The following ATXN2 variants were observed in gnomAD, a reference collection of about 807,000 sequenced individuals.
The protein encoded by ATXN2 is ataxin 2, also known as ataxin-2.
Under a neutral mutation model 138.6 loss-of-function variants are expected in ATXN2, and 37 were observed. That is an observed-to-expected ratio of 0.27 (90% CI 0.21 to 0.35). ATXN2 has a LOEUF of 0.35. ATXN2 is among the 10% of genes least tolerant of loss of function. The probability of loss-of-function intolerance (pLI) is 1.00; values close to 1 mark genes in which losing one functional copy is unlikely to be tolerated. For synonymous variants in ATXN2, 549 were observed against 543.7 expected, an observed-to-expected ratio of 1.01 and a Z score of -0.13; for missense variants, 1,216 against 1,480.3, an observed-to-expected ratio of 0.82 and a Z score of 2.93.
Position 111,553,535 on chromosome 12 carries a change from C to G in ATXN2, c.349-558G>C, listed in dbSNP as rs534922975. Among the ~76,000 whole-genome samples, 11 of 108,844 alleles carry G rather than the reference C, an allele frequency of 1.0e-4. 2 individuals carry two copies. The highest frequency in any genetic ancestry group is 3.9e-4 in the African/African-American group (11 of 28,524). 71.4% of individuals were successfully genotyped at this position (108,844 alleles called of 152,430 possible). A position where few individuals can be genotyped will look rare whatever the true frequency, so the allele number is the denominator to read the frequency against. ...AATAATGACAAGAAAAACGTCCGTA[C>G]ATCTTTGGTTCAGACGCAACCATGC... On this transcript the variant is annotated intron_variant, in intron 3 of 24. Coordinates refer to ENST00000673436, the MANE Select transcript of ATXN2 (RefSeq NM_001372574.1).
At chr12:111,457,134 G>A in intron 22 of ATXN2, 80 bp downstream of exon 22, 2 of 1,499,754 alleles carry the variant, frequency 1.3e-6, no homozygotes, top group Non-Finnish European at 1.8e-6. Context: ...TTCTGACGAT[G>A]CGATACCTGG....
chr12:111,489,111 A>T (rs1207613217), intron 14 of ATXN2, among the ~76,000 whole-genome samples: 1 of 152,210 alleles, frequency 6.6e-6, no homozygotes, highest in African/African-American at 2.4e-5. Context: ...ATAAGATCAG[A>T]CACTTCACAA....
intron 18 of ATXN2, among the ~76,000 whole-genome samples, chr12:111,475,661 A>G (rs987489589): frequency 6.6e-6 from 1 of 151,642 alleles, no homozygotes; most frequent in Non-Finnish European, 1.5e-5. Flanking sequence ...CAGCCAAGAT[A>G]TATTTTAAAG....
At chr12:111,558,592 G>A (rs771789577) in intron 1 of ATXN2, among the ~76,000 whole-genome samples, 5 of 152,126 alleles carry the variant, frequency 3.3e-5, no homozygotes, top group Non-Finnish European at 7.4e-5. Context: ...GAGTGCCGGA[G>A]TTTGAGATCA....
intron 20 of ATXN2, among the ~76,000 whole-genome samples, chr12:111,467,450 C>T (rs1257045339): frequency 4.0e-5 from 6 of 151,566 alleles, no homozygotes; most frequent in Non-Finnish European, 5.9e-5. Flanking sequence ...CCACCATGCC[C>T]AGCTCCTAGT....
chr12:111,510,327 C>G (rs1185664878), intron 12 of ATXN2, 58 bp downstream of exon 12: 2 of 1,535,312 alleles, frequency 1.3e-6, no homozygotes, highest in East Asian at 4.5e-5. Context: ...ATAATATCAC[C>G]CTCTAACATT....
At chr12:111,561,448 C>T (rs1018845344) in intron 1 of ATXN2, among the ~76,000 whole-genome samples, 1 of 151,974 alleles carries the variant, frequency 6.6e-6, no homozygotes, top group African/African-American at 2.4e-5. Context: ...TGCAGTGAGC[C>T]GAGATGGCAC....
chr12:111,520,935 A>G lies in ATXN2; in HGVS notation c.735T>C (p.Asn245=). The change falls in exon 7 of 25, where the codon AAT becomes AAC. Residue 245 remains asparagine (N), a synonymous_variant. Coordinates refer to ENST00000673436, the MANE Select transcript of ATXN2 (RefSeq NM_001372574.1). ...TAGACACTACACCATAATTTTCTTC[A>G]TTATATCGAAACATATCATTGGGAT... ...GWDPNDMFRY[N]EENYGVVSTY... is the part of the protein sequence containing the mutation. 1 of 1,598,636 alleles carries G rather than the reference A, an allele frequency of 6.3e-7. No individual in the cohort carries two copies. Among genetic ancestry groups the G allele is most frequent in the Non-Finnish European group, 8.5e-7 (1 of 1,169,994 alleles).
At chr12:111,586,260 G>C (rs1028980251) in intron 1 of ATXN2, among the ~76,000 whole-genome samples, 1 of 148,728 alleles carries the variant, frequency 6.7e-6, no homozygotes, top group Non-Finnish European at 1.5e-5. Context: ...TCTGCTCTGT[G>C]GCCCAGGCTG....
At position 111,464,340 on chromosome 12, in the gene ATXN2, T is replaced by C. The variant is rs1875837061; in HGVS notation, c.2896+322A>G. ...TGTGGCTTGGGTGTGTGTGTTTGTG[T>C]GTGTGTGTGTGTGTGTGTGTGTGTG... On this transcript the variant is annotated intron_variant, in intron 21 of 24. Transcript: ENST00000673436. Among the ~76,000 whole-genome samples, 3 of 120,966 alleles carry C rather than the reference T, an allele frequency of 2.5e-5. No homozygotes were observed. In the South Asian group the frequency reaches 6.6e-4, roughly 26 times the overall value. 79.4% of individuals were successfully genotyped at this position (120,966 alleles called of 152,430 possible). A position where few individuals can be genotyped will look rare whatever the true frequency, so the allele number is the denominator to read the frequency against.
chr12:111,472,971 T>C (rs1237733081), intron 18 of ATXN2, among the ~76,000 whole-genome samples: 1 of 152,182 alleles, frequency 6.6e-6, no homozygotes, highest in Non-Finnish European at 1.5e-5. Context: ...CAAGTTAATT[T>C]ATAAGTTTAT....
chr12:111,471,025 C>T, intron 18 of ATXN2: 1 of 394,688 alleles, frequency 2.5e-6, no homozygotes, highest in Non-Finnish European at 4.7e-6. Flanking sequence ...TCATGGCCCT[C>T]AGACTTGATC....
At chr12:111,510,715 G>A in intron 11 of ATXN2, 133 bp from the exon 12 acceptor site, 3 of 768,692 alleles carry the variant, frequency 3.9e-6, no homozygotes, top group Non-Finnish European at 5.8e-6. Flanking sequence ...TCCCATTACT[G>A]TTTTCTTTTC....
chr12:111,575,413 C>G (rs1160083941), intron 1 of ATXN2, among the ~76,000 whole-genome samples: 1 of 152,074 alleles, frequency 6.6e-6, no homozygotes, highest in Non-Finnish European at 1.5e-5. Flanking sequence ...TCTTGAACTC[C>G]TGGCCCTTCC....
chr12:111,576,133 A>AACATC (rs1883633434), intron 1 of ATXN2, among the ~76,000 whole-genome samples: 3 of 76,430 alleles, frequency 3.9e-5, no homozygotes, highest in Non-Finnish European at 7.3e-5. Flanking sequence ...AACATAACAT[A>AACATC]ACATCACACC....
chr12:111,463,941 C>T (rs963093520), intron 21 of ATXN2, among the ~76,000 whole-genome samples: 8 of 152,138 alleles, frequency 5.3e-5, no homozygotes, highest in Non-Finnish European at 8.8e-5. Context: ...CGCATGCCAG[C>T]ATGCATGGCT....
At chr12:111,507,956 A>T (rs11837744) in intron 14 of ATXN2, among the ~76,000 whole-genome samples, 172 of 152,308 alleles carry the variant, frequency 1.1e-3, no homozygotes, top group African/African-American at 4.0e-3. Context: ...AGATGCTTGA[A>T]GGCAGCATGC....
intron 1 of ATXN2, among the ~76,000 whole-genome samples, chr12:111,585,024 G>C (rs1884247343): frequency 6.6e-6 from 1 of 152,126 alleles, no homozygotes; most frequent in Non-Finnish European, 1.5e-5. Context: ...AAAAATGCTT[G>C]TCATAATCCA....
intron 1 of ATXN2, among the ~76,000 whole-genome samples, chr12:111,582,171 A>G (rs1400630225): frequency 6.6e-6 from 1 of 152,046 alleles, no homozygotes; most frequent in South Asian, 2.1e-4. Flanking sequence ...CTCTACAAAA[A>G]TTTTTTTAAA....
Sources: gnomAD v4.1 joint callset for allele counts (sites outside exome capture counted in the v4.1 genomes callset) on GRCh38, gnomAD v4.1.1 for gene constraint, MANE v1.5 for transcripts, NCBI Gene and HGNC (gene_info 2026-07-23, HGNC 2026-07-21) for gene names.